The following KTN1 variants were observed in gnomAD, a reference collection of about 807,000 sequenced individuals.
The protein encoded by KTN1 is kinectin.
In KTN1, 130 loss-of-function variants were observed where a neutral mutation model predicts 222.5. The ratio of observed to expected loss-of-function variants is 0.58; its 90% confidence interval spans 0.51 to 0.68. The LOEUF is 0.68. Among genes scored for constraint, KTN1 ranks in the 30% least tolerant of loss-of-function variants. KTN1 has a pLI of 0.00. For synonymous variants in KTN1, 512 were observed against 496.3 expected, an observed-to-expected ratio of 1.03 and a Z score of -0.42; for missense variants, 1,508 against 1,500.4, an observed-to-expected ratio of 1.01 and a Z score of -0.08.
chr14:55,601,458 A>G (rs1566681466), intron 1 of KTN1, among the ~76,000 whole-genome samples: 1 of 152,184 alleles, frequency 6.6e-6, no homozygotes, highest in Non-Finnish European at 1.5e-5. Context: ...TTAAAAGATA[A>G]TTGTATAATT....
intron 24 of KTN1, chr14:55,651,344 AG>A (rs1463366976): frequency 4.4e-6 from 2 of 456,000 alleles, no homozygotes; most frequent in Non-Finnish European, 8.8e-6. Context: ...AAGAATCTGA[AG>A]GGCCTGTGAG....
intron 7 of KTN1, among the ~76,000 whole-genome samples, chr14:55,632,682 G>A (rs1401429924): frequency 6.6e-6 from 1 of 152,026 alleles, no homozygotes; most frequent in Non-Finnish European, 1.5e-5. Context: ...GGTTAGAATG[G>A]TACGTTTTAT....
rs2040332418 is a variant in KTN1 at position 55,629,990 on chromosome 14, G to C, written c.1114G>C (p.Val372Leu). Residue 372 changes from valine (V) to leucine (L), a missense_variant, in exon 7 of 44, where the codon GTT becomes CTT. Val to Leu is a conservative substitution (Grantham distance 32). Coordinates refer to ENST00000395314, the MANE Select transcript of KTN1 (RefSeq NM_001079521.2). ...GACAGAGAAAGAAAGAAGCAATGTG[G>C]TTATAACAAGGATGAAAGATCGAAT... The part of the protein sequence containing the change: ...MMTEKERSNV[V>L]ITRMKDRIGT... 2.5e-6 allele frequency: 4 copies of C among 1,601,868 alleles called. No individual in the cohort carries two copies. The highest frequency in any genetic ancestry group is 3.4e-6 in the Non-Finnish European group (4 of 1,169,034).
intron 32 of KTN1, chr14:55,663,178 G>T: frequency 9.3e-6 from 2 of 214,104 alleles, no homozygotes; most frequent in Non-Finnish European, 1.9e-5. Context: ...AGTAATAAAT[G>T]GTGATTATTG....
chr14:55,650,430 CAG>C lies in KTN1; in HGVS notation c.2496+16_2496+17del, dbSNP rs773855920. 8 of 1,589,066 alleles carry C rather than the reference CAG, an allele frequency of 5.0e-6. No individual in the cohort carries two copies. Among genetic ancestry groups the C allele is most frequent in the South Asian group, 2.3e-5 (2 of 88,306 alleles). ...AGAAAACTGTTCAGGTATTGGGAGA[CAG>C]AGAACTGTGTTTTATGTTTTTGTTT... On this transcript the variant is annotated intron_variant, in intron 23 of 43. Transcript: ENST00000395314.
At chr14:55,652,003 C>T in intron 25 of KTN1, 76 bp downstream of exon 25, 2 of 915,744 alleles carry the variant, frequency 2.2e-6, no homozygotes, top group East Asian at 2.6e-5. Flanking sequence ...AAAATTATAG[C>T]TTCTTGATTT....
At chr14:55,589,457 C>T (rs1229046514) in intron 1 of KTN1, among the ~76,000 whole-genome samples, 1 of 151,622 alleles carries the variant, frequency 6.6e-6, no homozygotes, top group Non-Finnish European at 1.5e-5. Context: ...TTACAGGCAC[C>T]TGCCACCAAA....
At chr14:55,599,009 A>C (rs569661959) in intron 1 of KTN1, among the ~76,000 whole-genome samples, 1 of 151,858 alleles carries the variant, frequency 6.6e-6, no homozygotes, top group East Asian at 1.9e-4. Context: ...ATTTTCCCTT[A>C]TGTATAATTT....
At chr14:55,610,902 C>T (rs1261789399) in intron 1 of KTN1, among the ~76,000 whole-genome samples, 4 of 152,214 alleles carry the variant, frequency 2.6e-5, no homozygotes, top group Non-Finnish European at 2.9e-5. Flanking sequence ...GCCCCCTTCC[C>T]GCCCCGGGCG....
At position 55,681,094 on chromosome 14, in the gene KTN1, A is replaced by G. The variant is rs962392872; in HGVS notation, c.4069+1409A>G. 3 of 191,270 alleles carry G rather than the reference A, an allele frequency of 1.6e-5. No individual in the cohort carries two copies. The East Asian group carries it at 3.8e-4, about 24-fold the overall frequency. The allele number at this position is 191,270 out of a possible 1,614,324, so 11.8% of individuals were successfully genotyped here. A position where few individuals can be genotyped will look rare whatever the true frequency, so the allele number is the denominator to read the frequency against. On this transcript the variant is annotated intron_variant, in intron 43 of 43. Coordinates refer to ENST00000395314, the MANE Select transcript of KTN1 (RefSeq NM_001079521.2). ...TACTATTTAGTATTCTTAAGAAAATACTCTCTATCTACTTATTTATTGTTA... is the reference window on the plus strand; with the variant it reads ...TACTATTTAGTATTCTTAAGAAAATGCTCTCTATCTACTTATTTATTGTTA...
intron 1 of KTN1, among the ~76,000 whole-genome samples, chr14:55,599,619 G>C (rs1049845185): frequency 6.6e-6 from 1 of 152,096 alleles, no homozygotes; most frequent in Non-Finnish European, 1.5e-5. Flanking sequence ...GGATTAACAG[G>C]CTCCCGCCAC....
At chr14:55,647,353 T>A (rs890819418) in intron 19 of KTN1, among the ~76,000 whole-genome samples, 2 of 152,098 alleles carry the variant, frequency 1.3e-5, no homozygotes, top group Non-Finnish European at 2.9e-5. Context: ...TATCATTAAC[T>A]GCTGGGCGTG....
At chr14:55,591,587 T>C (rs1383386067) in intron 1 of KTN1, among the ~76,000 whole-genome samples, 1 of 119,906 alleles carries the variant, frequency 8.3e-6, no homozygotes, top group Admixed American at 8.3e-5. Context: ...CTTTCTTTTT[T>C]TTTTTTTTTT....
intron 1 of KTN1, among the ~76,000 whole-genome samples, chr14:55,580,784 C>T (rs554549358): frequency 2.6e-5 from 4 of 152,280 alleles, no homozygotes; most frequent in Non-Finnish European, 5.9e-5. Context: ...GCCTCCTCGG[C>T]CGGTGGACGG....
At chr14:55,669,356 A>T (rs2141294432) in intron 34 of KTN1, among the ~76,000 whole-genome samples, 1 of 152,200 alleles carries the variant, frequency 6.6e-6, no homozygotes, top group African/African-American at 2.4e-5. Flanking sequence ...CAAAAGTTGA[A>T]TATTTCTGCA....
rs530572536 is a variant in KTN1, at chr14:55,653,052, T to C, written c.2730T>C (p.His910=). The change falls in exon 27 of 44, where the codon CAT becomes CAC. Residue 910 remains histidine, a synonymous_variant. Coordinates refer to ENST00000395314, the MANE Select transcript of KTN1 (RefSeq NM_001079521.2). ...LQEENESLKA[H]VQEVAQHNLK... is the part of the protein sequence containing the mutation. ...AAGAAAATGAATCTTTAAAAGCACATGTTCAGGAAGTAGCACAACATAACT... is the reference window on the plus strand; with the variant it reads ...AAGAAAATGAATCTTTAAAAGCACACGTTCAGGAAGTAGCACAACATAACT... 1.6e-5 allele frequency: 25 copies of C among 1,603,196 alleles called. No homozygotes were observed. The South Asian group carries it at 2.2e-4, about 14-fold the overall frequency.
intron 8 of KTN1, among the ~76,000 whole-genome samples, chr14:55,634,289 T>A (rs1462747113): frequency 6.6e-6 from 1 of 152,198 alleles, no homozygotes; most frequent in African/African-American, 2.4e-5. Flanking sequence ...TGACACTATT[T>A]ATGGTCATCC....
At chr14:55,582,659 T>C (rs2031974758) in intron 1 of KTN1, among the ~76,000 whole-genome samples, 1 of 152,244 alleles carries the variant, frequency 6.6e-6, no homozygotes, top group South Asian at 2.1e-4. Context: ...CTATAATTTT[T>C]ATAGCAAATG....
chr14:55,652,714 C>G, intron 25 of KTN1, 136 bp from the exon 26 acceptor site: 1 of 612,586 alleles, frequency 1.6e-6, no homozygotes, highest in Non-Finnish European at 2.9e-6. Flanking sequence ...TGCCTTTATA[C>G]TTGATAAGTT....
Sources: allele counts gnomAD v4.1 joint callset (sites outside exome capture counted in the v4.1 genomes callset), GRCh38; gene constraint gnomAD v4.1.1; transcripts MANE v1.5; gene names NCBI Gene and HGNC (gene_info 2026-07-23, HGNC 2026-07-21).